CSMD1: variants seen among roughly 807,000 people sequenced by gnomAD.
CSMD1 encodes CUB and sushi domain-containing protein 1.
A neutral mutation model predicts 417.5 loss-of-function variants in CSMD1; 213 were observed. The observed-to-expected ratio is 0.51, with a 90% CI of 0.46 to 0.57. CSMD1 has a LOEUF of 0.57. Among genes scored for constraint, CSMD1 ranks in the 20% least tolerant of loss-of-function variants. The pLI, the probability that CSMD1 is intolerant of heterozygous loss-of-function variation, is 0.00. For synonymous variants in CSMD1, 2,862 were observed against 1,736.8 expected (o/e 1.65, Z -16.11); for missense variants, 6,923 against 4,529.7 (o/e 1.53, Z -15.17).
At chr8:4,482,836 A>G (rs975515626) in intron 2 of CSMD1, among the ~76,000 whole-genome samples, 1 of 152,196 alleles carries the variant, frequency 6.6e-6, no homozygotes, top group Non-Finnish European at 1.5e-5. Context: ...AATCAATACT[A>G]AAACTCTTAA....
At chr8:3,008,897 G>A (rs936817281) in intron 52 of CSMD1, among the ~76,000 whole-genome samples, 1 of 152,164 alleles carries the variant, frequency 6.6e-6, no homozygotes, top group Non-Finnish European at 1.5e-5. Flanking sequence ...ACATCATAAC[G>A]CACGCAGAGT....
rs1161779019 is a variant in CSMD1, at chr8:4,823,591, C to T, written c.85+170741G>A. ...GCCCAGTACACACAGCAAAGATGGGCATTTGCCCACTCAAACATACATCGA... is the reference window on the plus strand; with the variant it reads ...GCCCAGTACACACAGCAAAGATGGGTATTTGCCCACTCAAACATACATCGA... On this transcript the variant is annotated intron_variant, in intron 1 of 69. Transcript: ENST00000635120. Among the ~76,000 whole-genome samples, 3 of 152,060 alleles carry T rather than the reference C, an allele frequency of 2.0e-5. No homozygotes were observed. The East Asian group carries it at 5.8e-4, about 30-fold the overall frequency.
chr8:3,824,237 C>CA (rs976832259), intron 5 of CSMD1, among the ~76,000 whole-genome samples: 2 of 145,780 alleles, frequency 1.4e-5, no homozygotes, highest in Admixed American at 6.8e-5. Context: ...AAAGAAATTC[C>CA]AAAAAAACAA....
intron 49 of CSMD1, among the ~76,000 whole-genome samples, chr8:3,078,506 G>C (rs752193513): frequency 2.6e-5 from 4 of 152,196 alleles, no homozygotes; most frequent in Non-Finnish European, 4.4e-5. Context: ...TGGACTCTGC[G>C]TTTCAGTCTG....
chr8:3,828,699 G>A (rs1312742733), intron 5 of CSMD1, among the ~76,000 whole-genome samples: 2 of 151,942 alleles, frequency 1.3e-5, no homozygotes, highest in South Asian at 2.1e-4. Flanking sequence ...TTGCTTATTG[G>A]CCTCCCTAGT....
intron 5 of CSMD1, among the ~76,000 whole-genome samples, chr8:3,983,581 T>A: frequency 6.6e-6 from 1 of 152,196 alleles, no homozygotes; most frequent in East Asian, 1.9e-4. Context: ...TTTTTGATGT[T>A]TCTATTTTAT....
intron 9 of CSMD1, among the ~76,000 whole-genome samples, chr8:3,584,522 G>T (rs73489506): frequency 0.03 from 4,160 of 139,244 alleles, 176 homozygotes; most frequent in African/African-American, 0.096. Context: ...TGTTTCCTAA[G>T]TGATAAGCAC....
At chr8:3,044,645 G>T (rs914779292) in intron 50 of CSMD1, among the ~76,000 whole-genome samples, 1 of 150,814 alleles carries the variant, frequency 6.6e-6, no homozygotes, top group East Asian at 1.9e-4. Context: ...AAAAAAAAAA[G>T]GGACCTCAAA....
chr8:4,525,380 C>G (rs1229458534), intron 2 of CSMD1, among the ~76,000 whole-genome samples: 1 of 152,144 alleles, frequency 6.6e-6, no homozygotes, highest in Non-Finnish European at 1.5e-5. Context: ...ACTCCCCTTC[C>G]ACTCACAGCT....
chr8:3,524,124 CAT>C, intron 10 of CSMD1, among the ~76,000 whole-genome samples: 1 of 145,122 alleles, frequency 6.9e-6, no homozygotes, highest in South Asian at 2.4e-4. Context: ...CATATGTGCA[CAT>C]ACATACACAC....
At chr8:4,156,412 C>T (rs543423334) in intron 3 of CSMD1, among the ~76,000 whole-genome samples, 4 of 152,134 alleles carry the variant, frequency 2.6e-5, no homozygotes, top group Non-Finnish European at 4.4e-5. Context: ...CTCAATGAGT[C>T]TCTGTACTGA....
intron 3 of CSMD1, among the ~76,000 whole-genome samples, chr8:4,164,596 AATTT>A (rs1323713670): frequency 6.6e-6 from 1 of 152,152 alleles, no homozygotes; most frequent in Non-Finnish European, 1.5e-5. Context: ...TCATAGTAGT[AATTT>A]ATTTAGGTAC....
At chr8:3,919,869 G>C (rs1011470324) in intron 5 of CSMD1, among the ~76,000 whole-genome samples, 3 of 151,850 alleles carry the variant, frequency 2.0e-5, no homozygotes, top group African/African-American at 2.4e-5. Flanking sequence ...TTTTCCCCAA[G>C]TATTTCATTC....
chr8:3,325,814 G>A (rs1806491512), intron 23 of CSMD1, among the ~76,000 whole-genome samples: 1 of 151,990 alleles, frequency 6.6e-6, no homozygotes, highest in South Asian at 2.1e-4. Context: ...ACAGAGTGAG[G>A]CTCCGTCTCA....
chr8:4,442,755 A>G (rs1007398295), intron 2 of CSMD1, among the ~76,000 whole-genome samples: 23 of 152,230 alleles, frequency 1.5e-4, no homozygotes, highest in Admixed American at 1.5e-3. Context: ...ATGTTTGCAT[A>G]TAATCCAAAG....
intron 1 of CSMD1, among the ~76,000 whole-genome samples, chr8:4,689,286 G>C (rs995862204): frequency 1.3e-5 from 2 of 152,102 alleles, no homozygotes; most frequent in Non-Finnish European, 2.9e-5. Context: ...CCTAATTTTG[G>C]ATATGTAGGA....
chr8:4,141,428 C>G (rs1335046782), intron 3 of CSMD1, among the ~76,000 whole-genome samples: 1 of 151,138 alleles, frequency 6.6e-6, no homozygotes. Flanking sequence ...ACAGTGATAC[C>G]TATCATTTAG....
At chr8:3,682,980 C>T (rs1360939286) in intron 7 of CSMD1, among the ~76,000 whole-genome samples, 2 of 151,896 alleles carry the variant, frequency 1.3e-5, no homozygotes, top group Non-Finnish European at 2.9e-5. Flanking sequence ...GTCACTCATA[C>T]GTGGGAACTG....
Position 3,728,137 on chromosome 8 carries a change from C to T in CSMD1, c.932-19646G>A, listed in dbSNP as rs2623748. Among the ~76,000 whole-genome samples, 822 of 152,236 alleles carry T rather than the reference C, an allele frequency of 5.4e-3. 17 individuals are homozygous for T. The East Asian group carries it at 0.07, about 13-fold the overall frequency. On this transcript the variant is annotated intron_variant, in intron 6 of 69. Coordinates refer to ENST00000635120, the MANE Select transcript of CSMD1 (RefSeq NM_033225.6). ...ATTCCCACGTGCGATGGGAGGGACCCAGTGGGAGATAAATGAATCATGGGT... is the reference window on the plus strand; with the variant it reads ...ATTCCCACGTGCGATGGGAGGGACCTAGTGGGAGATAAATGAATCATGGGT...
Sources: allele counts gnomAD v4.1 joint callset (sites outside exome capture counted in the v4.1 genomes callset), GRCh38; gene constraint gnomAD v4.1.1; transcripts MANE v1.5; gene names NCBI Gene and HGNC (gene_info 2026-07-23, HGNC 2026-07-21).